The following NRL variants were observed in gnomAD, a reference collection of about 807,000 sequenced individuals.
NRL encodes neural retina-specific leucine zipper protein.
NRL carries 16 observed loss-of-function variants against 12.5 expected under a neutral mutation model. That is an observed-to-expected ratio of 1.28 (90% CI 0.87 to 1.95). NRL has a LOEUF of 1.95. Among genes scored for constraint, NRL ranks in the 30% most tolerant of loss-of-function variants. The pLI, the probability that NRL is intolerant of heterozygous loss-of-function variation, is 0.00. For synonymous variants in NRL, 142 were observed against 150.9 expected (o/e 0.94, Z 0.43); for missense variants, 314 against 325.8 (o/e 0.96, Z 0.28).
intron 1 of NRL, among the ~76,000 whole-genome samples, chr14:24,092,242 C>T (rs2036653258): frequency 6.6e-6 from 1 of 152,024 alleles, no homozygotes; most frequent in South Asian, 2.1e-4. Flanking sequence ...CCAAGAAGTG[C>T]CTTAGAAGCT....
In NRL at chr14:24,094,677, G is replaced by T; in HGVS notation, c.-27-11802C>A. ...CTGCCTCGCTCGCCTCTGACCGCGCGATCTCTATCTGCCACTCTCAGAACT... is the reference window on the plus strand; with the variant it reads ...CTGCCTCGCTCGCCTCTGACCGCGCTATCTCTATCTGCCACTCTCAGAACT... On this transcript the variant is annotated intron_variant, in intron 1 of 2. Coordinates refer to ENST00000561028, the MANE Select transcript of NRL (RefSeq NM_001354768.3). The surrounding 1 kb of genome is among the most constrained non-coding windows in gnomAD (Gnocchi z 4.1). The T allele has an allele frequency of 1.3e-6, 2 of 1,516,772 alleles. No individual in the cohort carries two copies. Among genetic ancestry groups the T allele is most frequent in the East Asian group, 2.5e-5 (1 of 40,238 alleles). The allele number at this position is 1,516,772 out of a possible 1,614,324, so 94.0% of individuals were successfully genotyped here. A position where few individuals can be genotyped will look rare whatever the true frequency, so the allele number is the denominator to read the frequency against.
chr14:24,102,641 G>A, intron 1 of NRL: 1 of 866,840 alleles, frequency 1.2e-6, no homozygotes, highest in Non-Finnish European at 1.8e-6. Flanking sequence ...GTTCTAGGCA[G>A]CTGATGAGGC....
At chr14:24,108,498 A>ATT (rs751345042) in intron 1 of NRL, among the ~76,000 whole-genome samples, 2 of 140,350 alleles carry the variant, frequency 1.4e-5, no homozygotes, top group Non-Finnish European at 1.6e-5. Flanking sequence ...CACCTGGCTA[A>ATT]TTTTTTTTTT....
chr14:24,103,639 A>C (rs547986349), intron 1 of NRL: 5 of 1,614,022 alleles, frequency 3.1e-6, no homozygotes, highest in African/African-American at 2.7e-5. Context: ...TTCCATGTCA[A>C]CTGGTTCCGG....
intron 1 of NRL, among the ~76,000 whole-genome samples, chr14:24,095,567 CA>C (rs1215332453): frequency 6.6e-6 from 1 of 152,130 alleles, no homozygotes; most frequent in Non-Finnish European, 1.5e-5. Context: ...ACCCTCCCAC[CA>C]ACACCAAAGC....
In NRL at chr14:24,082,322, G is replaced by A. The variant is rs1446555297; in HGVS notation, c.381+146C>T. 4.9e-6 allele frequency: 5 copies of A among 1,020,414 alleles called. No homozygotes were observed. The Admixed American group carries it at 1.1e-4, about 22-fold the overall frequency. 63.2% of individuals were successfully genotyped at this position (1,020,414 alleles called of 1,614,324 possible). ...AAGCAGAATGTAGTTTTCTCGATCT[G>A]ATTGCTTTCAAGGGACCTTCTCCCC... On this transcript the variant is annotated intron_variant, in intron 2 of 2. Coordinates refer to ENST00000561028, the MANE Select transcript of NRL (RefSeq NM_001354768.3).
Position 24,114,794 on chromosome 14 carries a change from C to A in NRL, c.-100G>T. ...GGGCCGTCGTGTGACGTTTGCAGCCCGCCGGCCAGGAAGCCGCGAGATGCG... is the reference window on the plus strand; with the variant it reads ...GGGCCGTCGTGTGACGTTTGCAGCCAGCCGGCCAGGAAGCCGCGAGATGCG... On this transcript the variant is annotated 5_prime_UTR_variant, in exon 1 of 3. Transcript: ENST00000561028. 2 of 985,954 alleles carry A rather than the reference C, an allele frequency of 2.0e-6. No homozygotes were observed. The highest frequency in any genetic ancestry group is 2.4e-6 in the Non-Finnish European group (2 of 829,966). The allele number at this position is 985,954 out of a possible 1,614,324, so 61.1% of individuals were successfully genotyped here. A position where few individuals can be genotyped will look rare whatever the true frequency, so the allele number is the denominator to read the frequency against.
chr14:24,099,794 A>C, intron 1 of NRL: 1 of 1,528,174 alleles, frequency 6.5e-7, no homozygotes, highest in Non-Finnish European at 9.1e-7. Context: ...TAGTGTTCAC[A>C]ATGACTTTGT....
At chr14:24,089,666 TAAG>T (rs1182187080) in intron 1 of NRL, among the ~76,000 whole-genome samples, 2 of 152,212 alleles carry the variant, frequency 1.3e-5, no homozygotes, top group East Asian at 1.9e-4. Context: ...ATGAATGTGC[TAAG>T]AAGAAGAAGG....
chr14:24,105,977 G>A (rs1027403045), intron 1 of NRL, among the ~76,000 whole-genome samples: 1 of 152,200 alleles, frequency 6.6e-6, no homozygotes, highest in Non-Finnish European at 1.5e-5. Context: ...ATCACCTGGA[G>A]ATCTTGTTAA....
chr14:24,111,930 T>C (rs1333651755), intron 1 of NRL, among the ~76,000 whole-genome samples: 1 of 106,144 alleles, frequency 9.4e-6, no homozygotes, highest in Non-Finnish European at 1.9e-5. Flanking sequence ...TCAAAGGGAA[T>C]GCTTCCAGTT....
chr14:24,100,425 C>T, intron 1 of NRL: 1 of 1,114,178 alleles, frequency 9.0e-7, no homozygotes, highest in Non-Finnish European at 1.2e-6. Flanking sequence ...TGCTCAACTT[C>T]CCTAAGCTTT....
At chr14:24,091,119 C>CTG (rs55656236) in intron 1 of NRL, among the ~76,000 whole-genome samples, 6,600 of 138,610 alleles carry the variant, frequency 0.048, 192 homozygotes, top group African/African-American at 0.1. Context: ...CAGAAAAGGC[C>CTG]TGTGTGTGTG....
At chr14:24,098,655 T>C in intron 1 of NRL, 1 of 1,613,902 alleles carries the variant, frequency 6.2e-7, no homozygotes. Flanking sequence ...CTGCACTCCG[T>C]GGGCCAGCCC....
rs145351624 is a variant in NRL at position 24,103,222 on chromosome 14, C to T, written c.-28+11500G>A. On this transcript the variant is annotated intron_variant, in intron 1 of 2. Coordinates refer to ENST00000561028, the MANE Select transcript of NRL (RefSeq NM_001354768.3). ...TGGGGTGTTTGTGGGCAGCGCCATGCGCTCTGAGTCCACTGCTGCAGCAGA... is the reference window on the plus strand; with the variant it reads ...TGGGGTGTTTGTGGGCAGCGCCATGTGCTCTGAGTCCACTGCTGCAGCAGA... 8.2e-5 allele frequency: 132 copies of T among 1,613,792 alleles called. No individual in the cohort carries two copies. The Admixed American group carries it at 9.7e-4, about 12-fold the overall frequency.
chr14:24,097,207 C>G (rs1168330114), intron 1 of NRL: 1 of 1,405,496 alleles, frequency 7.1e-7, no homozygotes, highest in Non-Finnish European at 1.0e-6. Flanking sequence ...AAGGCAAAAT[C>G]AACTTAACTA....
chr14:24,103,596 G>A, intron 1 of NRL: 1 of 1,609,832 alleles, frequency 6.2e-7, no homozygotes, highest in South Asian at 1.1e-5. Flanking sequence ...GCTGAGCATG[G>A]AAGGGCGCAA....
rs1555342826 is a variant in NRL, at chr14:24,106,727, A to AAT, written c.-28+7994_-28+7995insAT. 2.0e-3 allele frequency among the ~76,000 whole-genome samples: 287 copies of AAT among 146,742 alleles called. 3 individuals carry two copies. The highest frequency in any genetic ancestry group is 6.9e-3 in the African/African-American group (259 of 37,334). On this transcript the variant is annotated intron_variant, in intron 1 of 2. Coordinates refer to ENST00000561028, the MANE Select transcript of NRL (RefSeq NM_001354768.3). ...CAGAGTGAGACTCTGTCTCAAAAAA[A>AAT]AAATAAATAAATAAATAAATTTAAA...
rs1238091521 is a variant in NRL at position 24,085,429 on chromosome 14, A to C, written c.-27-2554T>G. ...CCCTCTCTCCTCTCTCACTCATTCT[A>C]GTTCCCAGATGGCTGAGGGGTGACC... On this transcript the variant is annotated intron_variant, in intron 1 of 2. Coordinates refer to ENST00000561028, the MANE Select transcript of NRL (RefSeq NM_001354768.3). This position sits in a 1 kb window ranked among gnomAD's most constrained non-coding sequence, Gnocchi z 4.1. Among the ~76,000 whole-genome samples, 1 of 152,022 alleles carries C rather than the reference A, an allele frequency of 6.6e-6. No homozygotes were observed. The highest frequency in any genetic ancestry group is 2.4e-5 in the African/African-American group (1 of 41,350).
Sources: gnomAD v4.1 joint callset for allele counts (sites outside exome capture counted in the v4.1 genomes callset) on GRCh38, gnomAD v4.1.1 for gene constraint, Gnocchi (gnomAD v3.1) non-coding constraint, MANE v1.5 for transcripts, NCBI Gene and HGNC (gene_info 2026-07-23, HGNC 2026-07-21) for gene names.